RGMA: variants seen among roughly 807,000 people sequenced by gnomAD.
RGMA encodes the protein repulsive guidance molecule A.
RGMA carries 10 observed loss-of-function variants against 23.2 expected under a neutral mutation model. The observed-to-expected ratio is 0.43, with a 90% CI of 0.27 to 0.73. The LOEUF (loss-of-function observed/expected upper bound fraction) is 0.73. Ranked by LOEUF, RGMA falls within the 30% of genes least tolerant of loss-of-function variation. RGMA has a pLI of 0.20. For synonymous variants in RGMA, 308 were observed against 279.3 expected, an observed-to-expected ratio of 1.10 and a Z score of -1.03; for missense variants, 547 against 630.5, an observed-to-expected ratio of 0.87 and a Z score of 1.42.
chr15:93,078,881 A>G (rs1184739716), intron 1 of RGMA, among the ~76,000 whole-genome samples: 1 of 152,258 alleles, frequency 6.6e-6, no homozygotes, highest in African/African-American at 2.4e-5. Context: ...AAAGACCCCA[A>G]GGATCCTCCT....
intron 2 of RGMA, among the ~76,000 whole-genome samples, chr15:93,059,360 A>C (rs2055066049): frequency 6.6e-6 from 1 of 152,194 alleles, no homozygotes; most frequent in Non-Finnish European, 1.5e-5. Context: ...GCTGCTGCCA[A>C]CTGACCCATC....
At position 93,043,446 on chromosome 15, in the gene RGMA, A is replaced by C. The variant is rs370216463; in HGVS notation, c.*1552T>G. 69 of 152,686 alleles carry C rather than the reference A, an allele frequency of 4.5e-4. No homozygotes were observed. Among genetic ancestry groups the C allele is most frequent in the African/African-American group, 1.6e-3 (66 of 41,586 alleles). The allele number at this position is 152,686 out of a possible 1,614,324, so 9.5% of individuals were successfully genotyped here. On this transcript the variant is annotated 3_prime_UTR_variant, in exon 4 of 4. Coordinates refer to ENST00000329082, the MANE Select transcript of RGMA (RefSeq NM_020211.3). Reference sequence around the variant, plus strand: ...AAAAAACCAAACTTTACTTGCATTTAGCCATTAATAAATAATTTACAGTAT... The same window carrying C: ...AAAAAACCAAACTTTACTTGCATTTCGCCATTAATAAATAATTTACAGTAT...
At chr15:93,082,881 T>C (rs897590321) in intron 1 of RGMA, among the ~76,000 whole-genome samples, 9 of 152,370 alleles carry the variant, frequency 5.9e-5, no homozygotes, top group African/African-American at 1.9e-4. Flanking sequence ...CAGGAAGATA[T>C]TTAGGTAAAC....
intron 1 of RGMA, among the ~76,000 whole-genome samples, chr15:93,082,724 C>T (rs1383449258): frequency 6.6e-6 from 1 of 152,234 alleles, no homozygotes; most frequent in Non-Finnish European, 1.5e-5. Context: ...ACAATCTCCC[C>T]CATCCATCCT....
chr15:93,080,351 C>T (rs1188620854), intron 1 of RGMA, among the ~76,000 whole-genome samples: 2 of 152,086 alleles, frequency 1.3e-5, no homozygotes, highest in Non-Finnish European at 2.9e-5. Flanking sequence ...GGTGCACACG[C>T]CACCACGCCT....
Position 93,038,547 on chromosome 15 carries a change from T to C in RGMA, c.*6451A>G, listed in dbSNP as rs1327002135. 6.6e-6 allele frequency: 1 copy of C among 150,820 alleles called. No homozygotes were observed. The highest frequency in any genetic ancestry group is 2.5e-5 in the African/African-American group (1 of 40,744). The allele number at this position is 150,820 out of a possible 1,614,324, so 9.3% of individuals were successfully genotyped here. A position where few individuals can be genotyped will look rare whatever the true frequency, so the allele number is the denominator to read the frequency against. On this transcript the variant is annotated 3_prime_UTR_variant, in exon 4 of 4. Coordinates refer to ENST00000329082, the MANE Select transcript of RGMA (RefSeq NM_020211.3). ...CAGGAGCTGCCCCATGGACATTGCC[T>C]TAATGAACGAAACTGTTAGTTGTTT...
At position 93,045,566 on chromosome 15, in the gene RGMA, G is replaced by A. The variant is rs1434826703; in HGVS notation, c.785C>T (p.Thr262Ile). The A allele has an allele frequency of 1.2e-6, 2 of 1,613,348 alleles. No individual in the cohort carries two copies. Among genetic ancestry groups the A allele is most frequent in the Non-Finnish European group, 1.7e-6 (2 of 1,179,878 alleles). The change falls in exon 4 of 4, where the codon ACT becomes ATT. Residue 262 changes from threonine to isoleucine, a missense_variant. Physicochemically the swap from Thr to Ile is moderately conservative, Grantham distance 89. Around this residue, in one of 3 missense-constraint regions of RGMA, gnomAD observed 128 missense variants for 191.7 expected, o/e 0.67. Coordinates refer to ENST00000329082, the MANE Select transcript of RGMA (RefSeq NM_020211.3). The surrounding 1 kb of genome is among the most constrained non-coding windows in gnomAD (Gnocchi z 6.9). ...CACGTGCTGGCCTGACACCTTCTCA[G>A]TGATCTTCAGGCTGTTGGCCCCGTG... ...DKHGANSLKI[T>I]EKVSGQHVEI... is the part of the protein sequence containing the mutation.
At position 93,043,181 on chromosome 15, in the gene RGMA, CCTACATGCACACACAT is replaced by C. The variant is rs2054747016; in HGVS notation, c.*1801_*1816del. 7 of 152,208 alleles carry C rather than the reference CCTACATGCACACACAT, an allele frequency of 4.6e-5. No individual in the cohort carries two copies. Among genetic ancestry groups the C allele is most frequent in the African/African-American group, 1.7e-4 (7 of 41,320 alleles). 9.4% of individuals were successfully genotyped at this position (152,208 alleles called of 1,614,324 possible). On this transcript the variant is annotated 3_prime_UTR_variant, in exon 4 of 4. Transcript: ENST00000329082. ...GCACATACACATGCGCACACACATG[CCTACATGCACACACAT>C]AGGCATGGGCGCACACACAGGCATG...
chr15:93,072,260 A>C (rs1714380159), intron 2 of RGMA, among the ~76,000 whole-genome samples: 1 of 152,196 alleles, frequency 6.6e-6, no homozygotes, highest in African/African-American at 2.4e-5. Flanking sequence ...ATTGTGAAAA[A>C]CTATGGGGGA....
At position 93,040,278 on chromosome 15, in the gene RGMA, C is replaced by G. The variant is rs542873834; in HGVS notation, c.*4720G>C. 2 of 152,422 alleles carry G rather than the reference C, an allele frequency of 1.3e-5. No individual in the cohort carries two copies. The highest frequency in any genetic ancestry group is 3.9e-4 in the East Asian group (2 of 5,188). 9.4% of individuals were successfully genotyped at this position (152,422 alleles called of 1,614,324 possible). ...ACACTCAAAGCCCGTGAACGGCTTC[C>G]TCTGGCAACTGGAGTCAAACATCAA... On this transcript the variant is annotated 3_prime_UTR_variant, in exon 4 of 4. Coordinates refer to ENST00000329082, the MANE Select transcript of RGMA (RefSeq NM_020211.3).
intron 2 of RGMA, among the ~76,000 whole-genome samples, chr15:93,071,133 C>T (rs374547574): frequency 5.3e-5 from 8 of 152,206 alleles, no homozygotes; most frequent in East Asian, 3.8e-4. Context: ...ACATCCCCCA[C>T]GGCAGCCAAG....
rs1380695514 is a variant in RGMA, at chr15:93,074,604, C to T, written c.15-1573G>A. Among the ~76,000 whole-genome samples the T allele has an allele frequency of 3.9e-5, 6 of 152,170 alleles. No individual in the cohort carries two copies. The East Asian group carries it at 1.2e-3, about 29-fold the overall frequency. On this transcript the variant is annotated intron_variant, in intron 1 of 3. Coordinates refer to ENST00000329082, the MANE Select transcript of RGMA (RefSeq NM_020211.3). Reference sequence around the variant, plus strand: ...TCCCTGAAATATTGAGGTCTCAGATCGACAAGCTCTAAATATTTTTCCCCC... The same window carrying T: ...TCCCTGAAATATTGAGGTCTCAGATTGACAAGCTCTAAATATTTTTCCCCC...
chr15:93,070,505 T>C (rs1033874803), intron 2 of RGMA, among the ~76,000 whole-genome samples: 1 of 152,210 alleles, frequency 6.6e-6, no homozygotes, highest in Non-Finnish European at 1.5e-5. Context: ...TCTAACTTCA[T>C]TCCTAAGCGG....
In RGMA at chr15:93,043,244, G is replaced by GCA. The variant is rs1555447877; in HGVS notation, c.*1752_*1753dup. 93 of 149,662 alleles carry GCA rather than the reference G, an allele frequency of 6.2e-4. No individual in the cohort carries two copies. Among genetic ancestry groups the GCA allele is most frequent in the African/African-American group, 2.2e-3 (88 of 40,252 alleles). The allele number at this position is 149,662 out of a possible 1,614,324, so 9.3% of individuals were successfully genotyped here. ...CATGCGCACACATGCGTACATGCAC[G>GCA]CACACAGGCACGCACACACACAGGC... is the stretch of plus-strand genomic sequence containing the variant. On this transcript the variant is annotated 3_prime_UTR_variant, in exon 4 of 4. Coordinates refer to ENST00000329082, the MANE Select transcript of RGMA (RefSeq NM_020211.3).
At position 93,051,910 on chromosome 15, in the gene RGMA, G is replaced by A. The variant is rs766526807; in HGVS notation, c.645+83C>T. 42 of 1,397,550 alleles carry A rather than the reference G, an allele frequency of 3.0e-5. No homozygotes were observed. The East Asian group carries it at 8.0e-4, about 27-fold the overall frequency. The allele number at this position is 1,397,550 out of a possible 1,614,324, so 86.6% of individuals were successfully genotyped here. A position where few individuals can be genotyped will look rare whatever the true frequency, so the allele number is the denominator to read the frequency against. Reference sequence around the variant, plus strand: ...CGTCTTCCCCCATTCCCAGGCACCCGAGGCCCTCTCAGCCTCTCAGTGTCC... The same window carrying A: ...CGTCTTCCCCCATTCCCAGGCACCCAAGGCCCTCTCAGCCTCTCAGTGTCC... On this transcript the variant is annotated intron_variant, in intron 3 of 3. Transcript: ENST00000329082.
intron 1 of RGMA, among the ~76,000 whole-genome samples, chr15:93,076,093 A>G (rs1487771025): frequency 6.6e-6 from 1 of 152,214 alleles, no homozygotes; most frequent in Non-Finnish European, 1.5e-5. Flanking sequence ...CATTTAACTC[A>G]AAAGTGTAGT....
At chr15:93,070,147 G>C (rs1375412906) in intron 2 of RGMA, among the ~76,000 whole-genome samples, 1 of 152,206 alleles carries the variant, frequency 6.6e-6, no homozygotes, top group Non-Finnish European at 1.5e-5. Flanking sequence ...GGCTCCAAAA[G>C]TTGTCACTGA....
chr15:93,068,745 C>T (rs1379743661), intron 2 of RGMA, among the ~76,000 whole-genome samples: 2 of 152,156 alleles, frequency 1.3e-5, no homozygotes, highest in South Asian at 4.1e-4. Context: ...AAAGCCTAAC[C>T]CCAAAGTGAT....
At chr15:93,056,850 G>A (rs2055023071) in intron 2 of RGMA, among the ~76,000 whole-genome samples, 1 of 152,208 alleles carries the variant, frequency 6.6e-6, no homozygotes, top group Admixed American at 6.5e-5. Flanking sequence ...AGATGTACAT[G>A]GCGTGCCTGG....
Sources: allele counts gnomAD v4.1 joint callset (sites outside exome capture counted in the v4.1 genomes callset), GRCh38; gene constraint gnomAD v4.1.1; regional missense constraint gnomAD v4.1.1; non-coding constraint Gnocchi (gnomAD v3.1); transcripts MANE v1.5; gene names NCBI Gene and HGNC (gene_info 2026-07-23, HGNC 2026-07-21).